Variants in DCDC2C observed in about 807,000 individuals in gnomAD.
DCDC2C encodes doublecortin domain-containing protein 2C.
In DCDC2C, 44 loss-of-function variants were observed where a neutral mutation model predicts 45.0. That is an observed-to-expected ratio of 0.98 (90% CI 0.77 to 1.26). The LOEUF (loss-of-function observed/expected upper bound fraction) is 1.26, where lower values mean the gene tolerates loss of function less well. Ranked by LOEUF, DCDC2C falls within the 50% of genes most tolerant of loss-of-function variation. The probability of loss-of-function intolerance (pLI) is 0.00; values close to 1 mark genes in which losing one functional copy is unlikely to be tolerated. For missense variants in DCDC2C, 447 were observed against 468.9 expected, an observed-to-expected ratio of 0.95 and a Z score of 0.43; for synonymous variants, 187 against 178.8, an observed-to-expected ratio of 1.05 and a Z score of -0.37.
intron 10 of DCDC2C, among the ~76,000 whole-genome samples, chr2:3,817,281 A>G (rs1254640105): frequency 6.6e-6 from 1 of 152,214 alleles, no homozygotes; most frequent in African/African-American, 2.4e-5. Flanking sequence ...AAGAGTTTTT[A>G]TTAAAGAGTC....
In DCDC2C at chr2:3,797,619, C is replaced by T. The variant is rs996396646; in HGVS notation, c.1065+12519C>T. 1.1e-4 allele frequency among the ~76,000 whole-genome samples: 17 copies of T among 148,240 alleles called. No homozygotes were observed. The South Asian group carries it at 1.6e-3, about 14-fold the overall frequency. On this transcript the variant is annotated intron_variant, in intron 10 of 10. Coordinates refer to ENST00000399143, the MANE Select transcript of DCDC2C (RefSeq NM_001287444.2). ...AACATCTTTATTTCTGCCTTCATTT[C>T]GTTATGTACCCAGTAGTCATTCAGG...
At chr2:3,766,269 G>A (rs1670008345) in intron 6 of DCDC2C, among the ~76,000 whole-genome samples, 1 of 151,518 alleles carries the variant, frequency 6.6e-6, no homozygotes, top group Admixed American at 6.6e-5. Flanking sequence ...AGAGATAATA[G>A]GACACCACAT....
intron 6 of DCDC2C, among the ~76,000 whole-genome samples, chr2:3,757,053 A>G (rs570036188): frequency 1.3e-5 from 2 of 152,250 alleles, no homozygotes; most frequent in South Asian, 4.1e-4. Flanking sequence ...TTATCTTAAA[A>G]CTCAGTATTA....
chr2:3,728,959 T>C (rs73142811), intron 3 of DCDC2C, among the ~76,000 whole-genome samples: 4,292 of 152,274 alleles, frequency 0.028, 194 homozygotes, highest in African/African-American at 0.095. Flanking sequence ...GAGGCTCAGA[T>C]TGAAGCCCTG....
chr2:3,743,894 C>A (rs985904808), intron 4 of DCDC2C, among the ~76,000 whole-genome samples: 1 of 152,092 alleles, frequency 6.6e-6, no homozygotes, highest in Non-Finnish European at 1.5e-5. Flanking sequence ...ATGGTGAAAC[C>A]CCATCTCTAC....
intron 10 of DCDC2C, among the ~76,000 whole-genome samples, chr2:3,845,742 T>G (rs750831743): frequency 6.6e-6 from 1 of 152,222 alleles, no homozygotes; most frequent in African/African-American, 2.4e-5. Context: ...CTAATTACTT[T>G]CGTTGGTGAC....
rs74437600 is a variant in DCDC2C at position 3,736,185 on chromosome 2, C to T, written c.417-5735C>T. On this transcript the variant is annotated intron_variant, in intron 3 of 10. Transcript: ENST00000399143. ...GAACATAGATGAGAGGGAAGGAGTC[C>T]CTGGGGACACAGTGGATTCTAATAC... is the stretch of plus-strand genomic sequence containing the variant. 1.5e-3 allele frequency among the ~76,000 whole-genome samples: 229 copies of T among 152,156 alleles called. 1 individual carries two copies. Among genetic ancestry groups the T allele is most frequent in the East Asian group, 0.011 (59 of 5,182 alleles).
chr2:3,820,023 C>G (rs1387197217), intron 10 of DCDC2C, among the ~76,000 whole-genome samples: 1 of 152,088 alleles, frequency 6.6e-6, no homozygotes, highest in African/African-American at 2.4e-5. Flanking sequence ...TTAAAGGACT[C>G]AGAGCTTGGG....
intron 10 of DCDC2C, among the ~76,000 whole-genome samples, chr2:3,801,318 G>A (rs1042091753): frequency 2.0e-5 from 3 of 152,146 alleles, no homozygotes; most frequent in African/African-American, 7.2e-5. Flanking sequence ...CCTGTCCCAG[G>A]CCGTGGCCTT....
intron 10 of DCDC2C, among the ~76,000 whole-genome samples, chr2:3,841,718 C>T (rs1290771010): frequency 3.3e-5 from 5 of 152,086 alleles, no homozygotes; most frequent in Admixed American, 6.6e-5. Flanking sequence ...AGTTAGCACG[C>T]GGCGTGAGCG....
At chr2:3,752,552 TA>T (rs1259926174) in intron 4 of DCDC2C, 20 of 660,132 alleles carry the variant, frequency 3.0e-5, no homozygotes, top group South Asian at 2.9e-4. Flanking sequence ...ACACTTTAAT[TA>T]AAAAATCTAA....
At chr2:3,712,765 A>G (rs767832213) in intron 2 of DCDC2C, among the ~76,000 whole-genome samples, 5 of 152,150 alleles carry the variant, frequency 3.3e-5, no homozygotes, top group Non-Finnish European at 5.9e-5. Context: ...CCGATTTTCT[A>G]TGTGACCATA....
chr2:3,806,212 G>GT (rs1671239057), intron 10 of DCDC2C, among the ~76,000 whole-genome samples: 1 of 152,184 alleles, frequency 6.6e-6, no homozygotes, highest in East Asian at 1.9e-4. Flanking sequence ...TTGCTGCATT[G>GT]TTTGATGCTT....
chr2:3,747,452 G>T (rs1669406394), intron 4 of DCDC2C, among the ~76,000 whole-genome samples: 1 of 152,226 alleles, frequency 6.6e-6, no homozygotes, highest in Middle Eastern at 3.2e-3. Context: ...AAGGTCTGAG[G>T]GAGGCGAAGT....
At chr2:3,763,962 A>G (rs1442294943) in intron 6 of DCDC2C, among the ~76,000 whole-genome samples, 1 of 152,240 alleles carries the variant, frequency 6.6e-6, no homozygotes, top group Non-Finnish European at 1.5e-5. Flanking sequence ...TACTGCTCAG[A>G]TATAGAAAAC....
chr2:3,840,611 TACA>T (rs952921188), intron 10 of DCDC2C, among the ~76,000 whole-genome samples: 2 of 152,232 alleles, frequency 1.3e-5, no homozygotes, highest in African/African-American at 4.8e-5. Context: ...CTTTTATCCA[TACA>T]TCTTACATTA....
intron 10 of DCDC2C, among the ~76,000 whole-genome samples, chr2:3,791,583 C>G (rs868023918): frequency 6.6e-6 from 1 of 152,178 alleles, no homozygotes; most frequent in Non-Finnish European, 1.5e-5. Context: ...TTGGAAGCTT[C>G]CCTACTTTCC....
At chr2:3,812,421 T>C (rs11898584) in intron 10 of DCDC2C, among the ~76,000 whole-genome samples, 4,988 of 152,280 alleles carry the variant, frequency 0.033, 281 homozygotes, top group African/African-American at 0.11. Context: ...GTGGGGTCAG[T>C]GGTGATATCC....
intron 2 of DCDC2C, among the ~76,000 whole-genome samples, chr2:3,711,404 A>G (rs1022290042): frequency 2.0e-5 from 3 of 152,172 alleles, no homozygotes; most frequent in Admixed American, 6.5e-5. Context: ...ATGCCCATCA[A>G]TGACAGACTG....
Sources: allele counts gnomAD v4.1 joint callset (sites outside exome capture counted in the v4.1 genomes callset), GRCh38; gene constraint gnomAD v4.1.1; transcripts MANE v1.5; gene names NCBI Gene and HGNC (gene_info 2026-07-23, HGNC 2026-07-21).